The following DHX35 variants were observed in gnomAD, a reference collection of about 807,000 sequenced individuals.
The protein encoded by DHX35 is DEAH-box helicase 35, also known as probable ATP-dependent RNA helicase DHX35.
Under a neutral mutation model 99.6 loss-of-function variants are expected in DHX35, and 84 were observed. The observed-to-expected ratio is 0.84, with a 90% CI of 0.71 to 1.01. The LOEUF is 1.01. DHX35 is among the 50% of genes least tolerant of loss of function. The pLI, the probability that DHX35 is intolerant of heterozygous loss-of-function variation, is 0.00. For synonymous variants in DHX35, 331 were observed against 316.2 expected (o/e 1.05, Z -0.50); for missense variants, 852 against 888.5 (o/e 0.96, Z 0.52).
At chr20:38,962,576 G>C in intron 1 of DHX35, 169 bp downstream of exon 1, 1 of 789,912 alleles carries the variant, frequency 1.3e-6, no homozygotes, top group Non-Finnish European at 2.0e-6. Context: ...CAGTGGTCCC[G>C]AGGGATTTGG....
chr20:38,963,816 A>T (rs991076907), intron 1 of DHX35, among the ~76,000 whole-genome samples: 1 of 152,222 alleles, frequency 6.6e-6, no homozygotes, highest in Non-Finnish European at 1.5e-5. Flanking sequence ...TCTCTCTCTT[A>T]ATTGAATATA....
At chr20:38,983,183 T>C (rs1169989643) in intron 3 of DHX35, among the ~76,000 whole-genome samples, 1 of 152,230 alleles carries the variant, frequency 6.6e-6, no homozygotes, top group Non-Finnish European at 1.5e-5. Context: ...CCTCCCAAAG[T>C]GCTGGGATTA....
At chr20:39,024,696 T>A (rs2086924934) in intron 17 of DHX35, among the ~76,000 whole-genome samples, 1 of 152,230 alleles carries the variant, frequency 6.6e-6, no homozygotes, top group South Asian at 2.1e-4. Flanking sequence ...TACAATAGAA[T>A]TTCAGAGGTA....
intron 16 of DHX35, among the ~76,000 whole-genome samples, chr20:39,023,010 A>G (rs113828825): frequency 2.4e-4 from 36 of 152,338 alleles, no homozygotes; most frequent in Admixed American, 7.2e-4. Context: ...TGTCAGTTGT[A>G]TAACTATAGA....
At chr20:39,023,612 C>T in intron 16 of DHX35, 78 bp from the exon 17 acceptor site, 4 of 1,411,382 alleles carry the variant, frequency 2.8e-6, no homozygotes, top group Non-Finnish European at 4.0e-6. Flanking sequence ...CTTAGCCTCA[C>T]CAAATGCTGG....
intron 12 of DHX35, 105 bp from the exon 13 acceptor site, chr20:39,010,175 C>CT: frequency 2.0e-6 from 3 of 1,504,184 alleles, no homozygotes; most frequent in Non-Finnish European, 2.8e-6. Flanking sequence ...TTCTAGAATC[C>CT]TAGAGACCCT....
chr20:38,996,412 A>T (rs1315259567), intron 8 of DHX35, among the ~76,000 whole-genome samples: 1 of 152,108 alleles, frequency 6.6e-6, no homozygotes, highest in Non-Finnish European at 1.5e-5. Flanking sequence ...TAAAATGGGG[A>T]GGTTGGGGTC....
Position 39,039,707 on chromosome 20 carries a change from A to G in DHX35, c.*1164A>G, listed in dbSNP as rs2087214532. On this transcript the variant is annotated 3_prime_UTR_variant, in exon 22 of 22. Coordinates refer to ENST00000252011, the MANE Select transcript of DHX35 (RefSeq NM_021931.4). ...TAGTAAACCTTTATACCTAAAGTAA[A>G]TGTCTTCCCTCCCACACCTGGTTTT... The G allele has an allele frequency of 2.0e-5, 3 of 152,340 alleles. No homozygotes were observed. In the South Asian group the frequency reaches 6.2e-4, roughly 32 times the overall value. The allele number at this position is 152,340 out of a possible 1,614,324, so 9.4% of individuals were successfully genotyped here.
chr20:38,974,602 G>T (rs554264187), intron 3 of DHX35, among the ~76,000 whole-genome samples: 1 of 152,314 alleles, frequency 6.6e-6, no homozygotes, highest in Non-Finnish European at 1.5e-5. Context: ...ACATTAGCAG[G>T]AAGTTTGGAA....
Position 39,034,209 on chromosome 20 carries a change from C to T in DHX35, c.1959C>T (p.Val653=). ...TCATGTTTCTTTCTCATTTCAGGGT[C>T]ATCTATAACGAAGTTATACAGACCT... ...VLYAEKPPRW[V]IYNEVIQTSK... The change falls in exon 21 of 22, where the codon GTC becomes GTT. Residue 653 remains valine, a synonymous_variant. Transcript: ENST00000252011. 1.2e-6 allele frequency: 2 copies of T among 1,609,930 alleles called. No individual in the cohort carries two copies. Among genetic ancestry groups the T allele is most frequent in the East Asian group, 2.2e-5 (1 of 44,870 alleles).
At chr20:38,968,559 T>C (rs961468111) in intron 1 of DHX35, among the ~76,000 whole-genome samples, 6 of 152,148 alleles carry the variant, frequency 3.9e-5, no homozygotes, top group Non-Finnish European at 8.8e-5. Flanking sequence ...TTTTTTCTTT[T>C]TTTTTGGAGA....
At chr20:39,028,776 CA>C (rs1568761073) in intron 19 of DHX35, among the ~76,000 whole-genome samples, 1 of 151,968 alleles carries the variant, frequency 6.6e-6, no homozygotes, top group Non-Finnish European at 1.5e-5. Context: ...ATTCTAATGA[CA>C]GAATAATATG....
intron 12 of DHX35, among the ~76,000 whole-genome samples, chr20:39,007,500 G>A (rs2086638462): frequency 6.6e-6 from 1 of 152,214 alleles, no homozygotes; most frequent in South Asian, 2.1e-4. Flanking sequence ...TCCTCTCTCA[G>A]ATGGCAGTTC....
chr20:39,026,350 G>A (rs971493009), intron 18 of DHX35, among the ~76,000 whole-genome samples: 16 of 152,160 alleles, frequency 1.1e-4, no homozygotes, highest in South Asian at 2.1e-4. Flanking sequence ...GAGCCCAGGC[G>A]GTTCCATTTA....
intron 4 of DHX35, among the ~76,000 whole-genome samples, chr20:38,986,939 G>A (rs1233688917): frequency 6.6e-6 from 1 of 152,238 alleles, no homozygotes; most frequent in Non-Finnish European, 1.5e-5. Flanking sequence ...GCCTGGGTGT[G>A]CCTAGCTCAG....
Position 39,028,539 on chromosome 20 carries a change from A to G in DHX35, c.1883+40A>G, listed in dbSNP as rs751318454. 6 of 1,594,786 alleles carry G rather than the reference A, an allele frequency of 3.8e-6. No homozygotes were observed. The Admixed American group carries it at 5.0e-5, about 13-fold the overall frequency. Reference sequence around the variant, plus strand: ...GGTGAAGTCATTTGTTAAAGGAACAATCTTACAAATGACCCAAACCCCACA... The same window carrying G: ...GGTGAAGTCATTTGTTAAAGGAACAGTCTTACAAATGACCCAAACCCCACA... On this transcript the variant is annotated intron_variant, in intron 19 of 21. Transcript: ENST00000252011.
At chr20:39,030,678 C>CA (rs2087033546) in intron 19 of DHX35, 26 bp from the exon 20 acceptor site, 1 of 1,609,556 alleles carries the variant, frequency 6.2e-7, no homozygotes, top group Non-Finnish European at 8.5e-7. Context: ...AAATGTGCTT[C>CA]AGACAAAATT....
intron 4 of DHX35, among the ~76,000 whole-genome samples, chr20:38,987,620 A>G (rs1201088147): frequency 1.3e-5 from 2 of 152,190 alleles, no homozygotes; most frequent in African/African-American, 2.4e-5. Flanking sequence ...TTTTCTATTA[A>G]TAAGTTAACT....
intron 15 of DHX35, among the ~76,000 whole-genome samples, chr20:39,020,697 C>T (rs1469285436): frequency 7.7e-6 from 1 of 129,602 alleles, no homozygotes; most frequent in African/African-American, 3.0e-5. Flanking sequence ...CTCACTCTGT[C>T]GCCTAGACTA....
Sources: gnomAD v4.1 joint callset for allele counts (sites outside exome capture counted in the v4.1 genomes callset) on GRCh38, gnomAD v4.1.1 for gene constraint, MANE v1.5 for transcripts, NCBI Gene and HGNC (gene_info 2026-07-23, HGNC 2026-07-21) for gene names.